Variants in DENND2C observed in about 807,000 individuals in gnomAD.
DENND2C encodes the protein DENN domain-containing protein 2C.
In DENND2C, 72 loss-of-function variants were observed where a neutral mutation model predicts 112.4. That is an observed-to-expected ratio of 0.64 (90% confidence interval 0.53 to 0.78). The LOEUF (loss-of-function observed/expected upper bound fraction) is 0.78, where lower values mean the gene tolerates loss of function less well. DENND2C is among the 30% of genes least tolerant of loss of function. The probability of loss-of-function intolerance (pLI) is 0.00; values close to 1 mark genes in which losing one functional copy is unlikely to be tolerated. For missense variants in DENND2C, 992 were observed against 1,113.8 expected (o/e 0.89, Z 1.56); for synonymous variants, 329 against 381.6 (o/e 0.86, Z 1.61).
intron 18 of DENND2C, among the ~76,000 whole-genome samples, chr1:114,591,706 A>G (rs1183869831): frequency 6.6e-6 from 1 of 151,974 alleles, no homozygotes; most frequent in African/African-American, 2.4e-5. Context: ...TTTTATTGAC[A>G]TAAAATATTT....
At chr1:114,594,772 A>T (rs1014076136) in intron 17 of DENND2C, among the ~76,000 whole-genome samples, 194 bp from the exon 18 acceptor site, 2 of 152,222 alleles carry the variant, frequency 1.3e-5, no homozygotes, top group East Asian at 1.9e-4. Flanking sequence ...ATATTAAAAA[A>T]ATATATACTT....
intron 16 of DENND2C, among the ~76,000 whole-genome samples, chr1:114,596,252 C>G (rs930829962): frequency 6.6e-6 from 1 of 152,156 alleles, no homozygotes; most frequent in Non-Finnish European, 1.5e-5. Flanking sequence ...GTCCCAGCTA[C>G]TCGGGAGGCT....
rs755719323 is a variant in DENND2C, at chr1:114,625,576, A to G, written c.409T>C (p.Ser137Pro). The change falls in exon 4 of 21, where the codon TCA becomes CCA. Residue 137 changes from serine to proline, a missense_variant. Around this residue, in one of 3 missense-constraint regions of DENND2C, gnomAD observed 470 missense variants for 472.7 expected, o/e 0.99. Coordinates refer to ENST00000393274, the MANE Select transcript of DENND2C (RefSeq NM_001256404.2). ...CKEDVLDPET[S>P]LPPGNFYTSQ... Reference sequence around the variant, plus strand: ...GTATAGAAGTTTCCTGGAGGTAATGAAGTCTCTGGATCTAAGACATCTTCT... The same window carrying G: ...GTATAGAAGTTTCCTGGAGGTAATGGAGTCTCTGGATCTAAGACATCTTCT... 6.2e-7 allele frequency: 1 copy of G among 1,614,158 alleles called. No homozygotes were observed. The highest frequency in any genetic ancestry group is 8.5e-7 in the Non-Finnish European group (1 of 1,180,010).
At chr1:114,652,601 T>G (rs1016762239) in intron 2 of DENND2C, among the ~76,000 whole-genome samples, 2 of 151,842 alleles carry the variant, frequency 1.3e-5, no homozygotes, top group Non-Finnish European at 2.9e-5. Flanking sequence ...AAGTCTCTTA[T>G]ATAAAATGGT....
chr1:114,586,727 A>AT (rs1033759616), intron 20 of DENND2C: 34 of 149,956 alleles, frequency 2.3e-4, no homozygotes, highest in Non-Finnish European at 4.3e-4. Flanking sequence ...ATTTTTATTT[A>AT]TTTTTTTAAT....
intron 3 of DENND2C, among the ~76,000 whole-genome samples, chr1:114,629,925 T>C (rs986964553): frequency 6.6e-6 from 1 of 152,162 alleles, no homozygotes; most frequent in Non-Finnish European, 1.5e-5. Context: ...TATAAGCATC[T>C]GGAAAAATAA....
Position 114,625,496 on chromosome 1 carries a change from A to G in DENND2C, c.489T>C (p.Asn163=). The change falls in exon 4 of 21, where the codon AAT becomes AAC. Residue 163 remains asparagine (N), a synonymous_variant. Coordinates refer to ENST00000393274, the MANE Select transcript of DENND2C (RefSeq NM_001256404.2). The part of the protein sequence containing the change: ...IEALPPDKLL[N]LALEHCDSSE... ...AAGAGTCACAATGTTCTAAAGCCAAATTTAAGAGTTTATCTGGGGGAAGTG... is the reference window on the plus strand; with the variant it reads ...AAGAGTCACAATGTTCTAAAGCCAAGTTTAAGAGTTTATCTGGGGGAAGTG... 2 of 1,614,098 alleles carry G rather than the reference A, an allele frequency of 1.2e-6. No individual in the cohort carries two copies. Among genetic ancestry groups the G allele is most frequent in the Non-Finnish European group, 1.7e-6 (2 of 1,179,992 alleles).
rs548792563 is a variant in DENND2C at position 114,599,406 on chromosome 1, C to T, written c.2151G>A (p.Pro717=). 103 of 1,613,846 alleles carry T rather than the reference C, an allele frequency of 6.4e-5. 1 individual carries two copies. In the South Asian group the frequency reaches 9.1e-4, roughly 14 times the overall value. Residue 717 remains proline (P), a synonymous_variant, in exon 16 of 21, where the codon CCG becomes CCA. Transcript: ENST00000393274. ...CGHAVVATLY[P]FTWQHTYIPV... ...GGATATAGGTATGCTGCCAGGTGAA[C>T]GGATACAGTGTAGCTACCACAGCAT...
At chr1:114,624,970 G>C (rs988665624) in intron 4 of DENND2C, among the ~76,000 whole-genome samples, 3 of 152,142 alleles carry the variant, frequency 2.0e-5, no homozygotes, top group African/African-American at 7.2e-5. Flanking sequence ...GTGTTCTGAT[G>C]CTCTTATGTC....
At chr1:114,659,954 C>G (rs1041675844) in intron 1 of DENND2C, among the ~76,000 whole-genome samples, 2 of 33,700 alleles carry the variant, frequency 5.9e-5, no homozygotes, top group African/African-American at 3.3e-4. Flanking sequence ...CCACGCCTGG[C>G]TAATTTTTTT....
At chr1:114,642,797 A>C (rs1386839640) in intron 3 of DENND2C, among the ~76,000 whole-genome samples, 4 of 152,224 alleles carry the variant, frequency 2.6e-5, no homozygotes, top group African/African-American at 9.6e-5. Flanking sequence ...GATAAAGTAA[A>C]TAAAATGTTT....
Position 114,595,725 on chromosome 1 carries a change from G to A in DENND2C, c.2325+107C>T. 2.9e-6 allele frequency: 3 copies of A among 1,030,780 alleles called. No individual in the cohort carries two copies. In the South Asian group the frequency reaches 4.1e-5, roughly 14 times the overall value. The allele number at this position is 1,030,780 out of a possible 1,614,324, so 63.9% of individuals were successfully genotyped here. On this transcript the variant is annotated intron_variant, in intron 17 of 20. Transcript: ENST00000393274. Reference sequence around the variant, plus strand: ...ATTCAAGTATGTGTAGGAACTAAAAGTTTTGCCTGAGTCATATTCTCTAAG... The same window carrying A: ...ATTCAAGTATGTGTAGGAACTAAAAATTTTGCCTGAGTCATATTCTCTAAG...
chr1:114,653,023 G>C (rs974198545), intron 2 of DENND2C, among the ~76,000 whole-genome samples: 1 of 151,990 alleles, frequency 6.6e-6, no homozygotes, highest in East Asian at 1.9e-4. Flanking sequence ...TCCGTGATTG[G>C]TTGTATCCAC....
intron 6 of DENND2C, among the ~76,000 whole-genome samples, chr1:114,622,650 C>T (rs1020350804): frequency 2.6e-5 from 4 of 152,028 alleles, no homozygotes; most frequent in Non-Finnish European, 5.9e-5. Flanking sequence ...TGCTTCTAGG[C>T]GTCTCACATA....
In DENND2C at chr1:114,600,953, T is replaced by C; in HGVS notation, c.1823A>G (p.Asp608Gly). 3.1e-6 allele frequency: 5 copies of C among 1,612,846 alleles called. No homozygotes were observed. Among genetic ancestry groups the C allele is most frequent in the Non-Finnish European group, 4.2e-6 (5 of 1,179,368 alleles). The change falls in exon 14 of 21, where the codon GAT becomes GGT. Residue 608 changes from aspartate to glycine, a missense_variant. Physicochemically the swap from Asp to Gly is moderately conservative, Grantham distance 94. Coordinates refer to ENST00000393274, the MANE Select transcript of DENND2C (RefSeq NM_001256404.2). ...GCFNLFSKIL[D>G]EVEKRREMSP... ...CATTTCTCTTCTCTTCTCTACTTCA[T>C]CCAGAATCTATATACGCAAAGTGTT... is the stretch of plus-strand genomic sequence containing the variant.
intron 18 of DENND2C, among the ~76,000 whole-genome samples, chr1:114,592,099 G>A (rs1459755549): frequency 6.6e-6 from 1 of 151,930 alleles, no homozygotes; most frequent in Admixed American, 6.6e-5. Flanking sequence ...TGGCCAGGCT[G>A]GTCTCAAACT....
chr1:114,600,417 T>G, intron 14 of DENND2C, 65 bp from the exon 15 acceptor site: 4 of 1,581,084 alleles, frequency 2.5e-6, no homozygotes, highest in Non-Finnish European at 3.5e-6. Context: ...GCCAACGCTA[T>G]GGATCCTGTT....
At chr1:114,635,010 A>G (rs1030018928) in intron 3 of DENND2C, among the ~76,000 whole-genome samples, 2 of 148,460 alleles carry the variant, frequency 1.3e-5, no homozygotes, top group Non-Finnish European at 3.0e-5. Context: ...CCTGAGTGAT[A>G]GAGTGAGACT....
rs150234567 is a variant in DENND2C, at chr1:114,651,951, G to A, written c.-317+2554C>T. 9.4e-4 allele frequency among the ~76,000 whole-genome samples: 143 copies of A among 152,212 alleles called. 2 individuals are homozygous for A. Among genetic ancestry groups the A allele is most frequent in the Middle Eastern group, 3.4e-3 (1 of 294 alleles). On this transcript the variant is annotated intron_variant, in intron 2 of 20. Coordinates refer to ENST00000393274, the MANE Select transcript of DENND2C (RefSeq NM_001256404.2). ...TCCCACAGAGGGGTAGCCCAGCATG[G>A]GATGTTAGAGCTTCAGCAGAATGAG... is the stretch of plus-strand genomic sequence containing the variant.
Sources: gnomAD v4.1 joint callset for allele counts (sites outside exome capture counted in the v4.1 genomes callset) on GRCh38, gnomAD v4.1.1 for gene constraint, gnomAD v4.1.1 regional missense constraint, MANE v1.5 for transcripts, NCBI Gene and HGNC (gene_info 2026-07-23, HGNC 2026-07-21) for gene names.